Variants in TMPRSS15 observed in about 807,000 individuals in gnomAD.
The protein encoded by TMPRSS15 is enteropeptidase.
Under a neutral mutation model 125.3 loss-of-function variants are expected in TMPRSS15, and 128 were observed. The ratio of observed to expected loss-of-function variants is 1.02; its 90% CI spans 0.89 to 1.18. The LOEUF (loss-of-function observed/expected upper bound fraction) is 1.18, where lower values mean the gene tolerates loss of function less well. TMPRSS15 is among the 50% of genes most tolerant of loss of function. TMPRSS15 has a pLI of 0.00. For missense variants in TMPRSS15, 1,283 were observed against 1,212.7 expected, an observed-to-expected ratio of 1.06 and a Z score of -0.86; for synonymous variants, 446 against 423.2, an observed-to-expected ratio of 1.05 and a Z score of -0.66.
intron 10 of TMPRSS15, among the ~76,000 whole-genome samples, chr21:18,349,290 C>T (rs1398358975): frequency 1.3e-5 from 2 of 152,202 alleles, no homozygotes; most frequent in East Asian, 3.9e-4. Context: ...TCAACACCAC[C>T]TTCTTGACCA....
chr21:18,423,306 C>G (rs1049345315), intron 1 of TMPRSS15, among the ~76,000 whole-genome samples: 2 of 152,120 alleles, frequency 1.3e-5, no homozygotes, highest in Non-Finnish European at 2.9e-5. Flanking sequence ...GTCCTTGATT[C>G]CTTGTTAGTG....
At chr21:18,341,714 T>A (rs1256998927) in intron 12 of TMPRSS15, among the ~76,000 whole-genome samples, 166 bp from the exon 13 acceptor site, 1 of 152,210 alleles carries the variant, frequency 6.6e-6, no homozygotes, top group African/African-American at 2.4e-5. Context: ...CAGATCATGC[T>A]TTTTAAATTC....
At chr21:18,437,648 A>C (rs2076230896) in intron 1 of TMPRSS15, among the ~76,000 whole-genome samples, 1 of 152,224 alleles carries the variant, frequency 6.6e-6, no homozygotes, top group Non-Finnish European at 1.5e-5. Context: ...AAACAACCCC[A>C]TCAAAAAGTG....
At chr21:18,320,200 T>C (rs1478108696) in intron 16 of TMPRSS15, among the ~76,000 whole-genome samples, 1 of 152,100 alleles carries the variant, frequency 6.6e-6, no homozygotes, top group Non-Finnish European at 1.5e-5. Flanking sequence ...AAGTCTTAAA[T>C]GTAGGTAGAA....
chr21:18,448,418 A>G (rs1468568697), intron 1 of TMPRSS15, among the ~76,000 whole-genome samples: 1 of 152,140 alleles, frequency 6.6e-6, no homozygotes, highest in Non-Finnish European at 1.5e-5. Context: ...TAACTAAGGA[A>G]ACTTTCTTCA....
chr21:18,394,049 T>C (rs2824800), intron 3 of TMPRSS15, among the ~76,000 whole-genome samples: 42,674 of 152,040 alleles, frequency 0.28, 6,234 homozygotes, highest in East Asian at 0.48. Flanking sequence ...TATTTAACTC[T>C]ATGTTGACAG....
At chr21:18,470,462 A>G (rs1978755936) in intron 1 of TMPRSS15, among the ~76,000 whole-genome samples, 1 of 152,020 alleles carries the variant, frequency 6.6e-6, no homozygotes, top group African/African-American at 2.4e-5. Flanking sequence ...TCTTACCCCA[A>G]CCGAAAATAA....
chr21:18,339,260 C>T (rs1025449291), intron 13 of TMPRSS15, among the ~76,000 whole-genome samples: 3 of 151,948 alleles, frequency 2.0e-5, no homozygotes, highest in East Asian at 1.9e-4. Context: ...AAAAGCAAAC[C>T]GATCTTTTGG....
intron 1 of TMPRSS15, among the ~76,000 whole-genome samples, chr21:18,470,911 G>A (rs1469696352): frequency 1.3e-5 from 2 of 151,980 alleles, no homozygotes; most frequent in African/African-American, 4.8e-5. Context: ...ATGATTCTCT[G>A]GGGAACCGAT....
At chr21:18,421,010 G>GACT (rs1360708795) in intron 1 of TMPRSS15, among the ~76,000 whole-genome samples, 8 of 152,084 alleles carry the variant, frequency 5.3e-5, no homozygotes, top group Non-Finnish European at 1.5e-5. Flanking sequence ...TGACTTATAT[G>GACT]TACACTACAT....
chr21:18,283,737 C>T (rs73320155), intron 21 of TMPRSS15, among the ~76,000 whole-genome samples: 6,360 of 152,100 alleles, frequency 0.042, 440 homozygotes, highest in African/African-American at 0.14. Flanking sequence ...CAGAGAGGTG[C>T]ATGCAGTTTA....
chr21:18,409,081 G>T (rs2076159355), intron 1 of TMPRSS15, among the ~76,000 whole-genome samples: 1 of 151,938 alleles, frequency 6.6e-6, no homozygotes, highest in Non-Finnish European at 1.5e-5. Flanking sequence ...TTTTATACTT[G>T]ACTGATAATA....
chr21:18,446,463 C>G (rs987739477), intron 1 of TMPRSS15, among the ~76,000 whole-genome samples: 2 of 152,032 alleles, frequency 1.3e-5, no homozygotes, highest in African/African-American at 4.8e-5. Flanking sequence ...TAAATTTATA[C>G]GGAACCACAA....
At position 18,471,057 on chromosome 21, in the gene TMPRSS15, C is replaced by T. The variant is rs995568420; in HGVS notation, c.10+14742G>A. Among the ~76,000 whole-genome samples, 4 of 151,946 alleles carry T rather than the reference C, an allele frequency of 2.6e-5. No homozygotes were observed. The East Asian group carries it at 7.7e-4, about 29-fold the overall frequency. ...TATATGAAAGATGTCACTGAAACAC[C>T]ATTTTATACTGTGAAACAAAACTCC... On this transcript the variant is annotated intron_variant, in intron 1 of 7. Transcript: ENST00000422787.
At chr21:18,431,451 C>T (rs993320167) in intron 1 of TMPRSS15, among the ~76,000 whole-genome samples, 3 of 151,966 alleles carry the variant, frequency 2.0e-5, no homozygotes, top group East Asian at 1.9e-4. Flanking sequence ...ATTGAAACTT[C>T]GGAATTTCTC....
intron 1 of TMPRSS15, among the ~76,000 whole-genome samples, chr21:18,448,398 G>A (rs768304810): frequency 1.3e-5 from 2 of 152,082 alleles, no homozygotes; most frequent in Admixed American, 6.5e-5. Context: ...TGAGCTTTGG[G>A]AACATGGGCT....
intron 1 of TMPRSS15, among the ~76,000 whole-genome samples, chr21:18,451,058 C>G (rs1262109625): frequency 6.6e-6 from 1 of 152,184 alleles, no homozygotes; most frequent in African/African-American, 2.4e-5. Context: ...CAAATTTATG[C>G]AAAAGATTCT....
intron 6 of TMPRSS15, among the ~76,000 whole-genome samples, chr21:18,370,504 G>T (rs1333294627): frequency 6.6e-6 from 1 of 152,062 alleles, no homozygotes; most frequent in Non-Finnish European, 1.5e-5. Context: ...CCTCATGATG[G>T]CACACTTGCA....
chr21:18,309,187 G>A (rs887784221), intron 18 of TMPRSS15, among the ~76,000 whole-genome samples: 1 of 152,028 alleles, frequency 6.6e-6, no homozygotes, highest in Non-Finnish European at 1.5e-5. Flanking sequence ...ACAATGTTGG[G>A]AAAACTGGCT....
Sources: gnomAD v4.1 joint callset for allele counts (sites outside exome capture counted in the v4.1 genomes callset) on GRCh38, gnomAD v4.1.1 for gene constraint, MANE v1.5 for transcripts, NCBI Gene and HGNC (gene_info 2026-07-23, HGNC 2026-07-21) for gene names.